DGKB: variants seen among roughly 807,000 people sequenced by gnomAD.
DGKB encodes the protein 90 kDa diacylglycerol kinase.
DGKB carries 67 observed loss-of-function variants against 114.3 expected under a neutral mutation model. The ratio of observed to expected loss-of-function variants is 0.59; its 90% CI spans 0.48 to 0.72. DGKB has a LOEUF of 0.72. DGKB is among the 30% of genes least tolerant of loss of function. DGKB has a pLI of 0.00. For synonymous variants in DGKB, 398 were observed against 323.1 expected, an observed-to-expected ratio of 1.23 and a Z score of -2.49; for missense variants, 907 against 975.2, an observed-to-expected ratio of 0.93 and a Z score of 0.93.
chr7:14,511,789 C>T (rs2116316), intron 20 of DGKB, among the ~76,000 whole-genome samples: 65,718 of 151,818 alleles, frequency 0.43, 15,075 homozygotes, highest in East Asian at 0.73. Flanking sequence ...TTAGAGGCCA[C>T]GGTAGGGTTA....
intron 21 of DGKB, among the ~76,000 whole-genome samples, chr7:14,356,518 C>T (rs1306694993): frequency 2.0e-5 from 3 of 151,868 alleles, no homozygotes; most frequent in Admixed American, 6.6e-5. Flanking sequence ...CCTGCAACCA[C>T]GCCCAGCTAA....
At chr7:14,693,850 T>A (rs1452831547) in intron 9 of DGKB, among the ~76,000 whole-genome samples, 2 of 152,046 alleles carry the variant, frequency 1.3e-5, no homozygotes, top group Non-Finnish European at 2.9e-5. Flanking sequence ...AGAGAATATA[T>A]TTTTAATCCT....
At chr7:14,901,617 C>G (rs896376230) in intron 1 of DGKB, among the ~76,000 whole-genome samples, 19 of 144,138 alleles carry the variant, frequency 1.3e-4, no homozygotes, top group Admixed American at 1.4e-4. Context: ...CCCCCCCCAC[C>G]CCCCACTGCC....
chr7:14,204,295 G>A (rs998075911), intron 23 of DGKB, among the ~76,000 whole-genome samples: 7 of 151,880 alleles, frequency 4.6e-5, no homozygotes, highest in African/African-American at 1.7e-4. Context: ...GAAAACTTGA[G>A]GGGCCTTATA....
intron 1 of DGKB, among the ~76,000 whole-genome samples, chr7:14,910,314 G>GAAAGAAAGAAAGAAAA (rs1209418948): frequency 1.9e-4 from 25 of 132,366 alleles, no homozygotes; most frequent in African/African-American, 7.0e-4. Context: ...AAGAAAGAAA[G>GAAAGAAAGAAAGAAAA]AACCTTATAT....
intron 5 of DGKB, among the ~76,000 whole-genome samples, chr7:14,725,279 T>A (rs908886783): frequency 2.0e-5 from 3 of 152,218 alleles, no homozygotes; most frequent in Admixed American, 2.0e-4. Context: ...GAATTTAAAT[T>A]TAAATAGCAG....
At chr7:14,209,943 C>A (rs959947637) in intron 23 of DGKB, among the ~76,000 whole-genome samples, 3 of 151,154 alleles carry the variant, frequency 2.0e-5, no homozygotes, top group African/African-American at 7.3e-5. Flanking sequence ...TGAAAGAAAT[C>A]TGGTTGAATA....
intron 5 of DGKB, among the ~76,000 whole-genome samples, chr7:14,729,145 T>C (rs1280696780): frequency 7.2e-6 from 1 of 139,250 alleles, no homozygotes; most frequent in Non-Finnish European, 1.6e-5. Flanking sequence ...TTTTTTTTGA[T>C]GGAGTCTCAC....
At chr7:14,264,317 C>T (rs376003011) in intron 23 of DGKB, among the ~76,000 whole-genome samples, 2 of 152,280 alleles carry the variant, frequency 1.3e-5, no homozygotes, top group South Asian at 2.1e-4. Context: ...CCAAACCACA[C>T]GCTTTCAGGT....
At chr7:14,644,890 G>A (rs111608068) in intron 13 of DGKB, among the ~76,000 whole-genome samples, 27 of 152,174 alleles carry the variant, frequency 1.8e-4, no homozygotes, top group Non-Finnish European at 2.1e-4. Flanking sequence ...AGGTCCTATC[G>A]ATGGCGACAG....
intron 1 of DGKB, among the ~76,000 whole-genome samples, chr7:14,895,459 T>C (rs1422347345): frequency 1.3e-5 from 2 of 151,580 alleles, no homozygotes; most frequent in Admixed American, 1.3e-4. Flanking sequence ...TCCTATTAAT[T>C]ATATTATTCC....
chr7:14,152,602 C>T (rs1157309103), intron 25 of DGKB, among the ~76,000 whole-genome samples: 1 of 152,062 alleles, frequency 6.6e-6, no homozygotes, highest in Non-Finnish European at 1.5e-5. Flanking sequence ...ATTTCTACTT[C>T]TGTCTTCCTG....
upstream of DGKB, among the ~76,000 whole-genome samples, chr7:14,906,542 C>T (rs1184930813): frequency 6.7e-6 from 1 of 149,256 alleles, no homozygotes; most frequent in Non-Finnish European, 1.5e-5. Flanking sequence ...CAACCTCTGC[C>T]TCCCGGGTTC....
chr7:14,371,495 T>C (rs1489142921), intron 21 of DGKB, among the ~76,000 whole-genome samples: 2 of 152,152 alleles, frequency 1.3e-5, no homozygotes, highest in Non-Finnish European at 2.9e-5. Flanking sequence ...GTTCATGTCT[T>C]TTGCTTGTTA....
intron 13 of DGKB, among the ~76,000 whole-genome samples, chr7:14,639,902 C>T (rs554952729): frequency 6.5e-4 from 99 of 152,270 alleles, no homozygotes; most frequent in Admixed American, 1.6e-3. Context: ...ATTTCATATC[C>T]ATGTTACAGT....
At chr7:14,555,069 CTAATA>C (rs1254533919) in intron 20 of DGKB, among the ~76,000 whole-genome samples, 1 of 152,048 alleles carries the variant, frequency 6.6e-6, no homozygotes, top group East Asian at 1.9e-4. Context: ...ATATTTTCTT[CTAATA>C]TAAGTGTATT....
intron 1 of DGKB, among the ~76,000 whole-genome samples, chr7:14,948,760 G>A (rs138027503): frequency 3.3e-5 from 5 of 151,546 alleles, no homozygotes; most frequent in African/African-American, 1.2e-4. Flanking sequence ...TACTAAGAAG[G>A]AGAATCAACA....
chr7:14,380,887 A>G (rs12699611), intron 21 of DGKB, among the ~76,000 whole-genome samples: 79,619 of 152,086 alleles, frequency 0.52, 22,034 homozygotes, highest in Non-Finnish European at 0.61. Context: ...ATTTGTGATT[A>G]TGTTTTGATA....
At chr7:14,940,019 G>T (rs1486313141) in intron 1 of DGKB, among the ~76,000 whole-genome samples, 2 of 151,962 alleles carry the variant, frequency 1.3e-5, no homozygotes, top group Non-Finnish European at 2.9e-5. Context: ...GTGGTGACTT[G>T]GCTTCTGCAC....
Sources: allele counts gnomAD v4.1 joint callset (sites outside exome capture counted in the v4.1 genomes callset), GRCh38; gene constraint gnomAD v4.1.1; transcripts MANE v1.5; gene names NCBI Gene and HGNC (gene_info 2026-07-23, HGNC 2026-07-21).